RO60: variants seen among roughly 807,000 people sequenced by gnomAD.
The protein encoded by RO60 is Ro60, Y RNA binding protein.
Under a neutral mutation model 55.3 loss-of-function variants are expected in RO60, and 20 were observed. That is an observed-to-expected ratio of 0.36 (90% CI 0.25 to 0.53). The LOEUF (loss-of-function observed/expected upper bound fraction) is 0.53. Ranked by LOEUF, RO60 falls within the 20% of genes least tolerant of loss-of-function variation. The pLI is 0.92. For missense variants in RO60, 558 were observed against 646.6 expected (o/e 0.86, Z 1.49); for synonymous variants, 213 against 213.6 (o/e 1.00, Z 0.02).
chr1:193,082,443 A>AAT, intron 7 of RO60, 119 bp from the exon 8 acceptor site: 1 of 1,378,272 alleles, frequency 7.3e-7, no homozygotes, highest in Non-Finnish European at 1.0e-6. Flanking sequence ...CAAAACCGAA[A>AAT]ATATATATGC....
chr1:193,072,934 A>G (rs879855571), intron 2 of RO60, among the ~76,000 whole-genome samples: 5 of 152,250 alleles, frequency 3.3e-5, no homozygotes, highest in Non-Finnish European at 7.3e-5. Context: ...AGTAATAGCA[A>G]TATCACATTG....
At chr1:193,061,173 C>T (rs1672651155) in intron 1 of RO60, among the ~76,000 whole-genome samples, 1 of 152,160 alleles carries the variant, frequency 6.6e-6, no homozygotes, top group Non-Finnish European at 1.5e-5. Flanking sequence ...CTACTAGTTC[C>T]ATACCACGTG....
rs1674787464 is a variant in RO60 at position 193,089,911 on chromosome 1, T to C, written c.*5180T>C. 1 of 151,668 alleles carries C rather than the reference T, an allele frequency of 6.6e-6. No homozygotes were observed. The highest frequency in any genetic ancestry group is 2.4e-5 in the African/African-American group (1 of 41,220). 9.4% of individuals were successfully genotyped at this position (151,668 alleles called of 1,614,324 possible). On this transcript the variant is annotated 3_prime_UTR_variant, in exon 9 of 9. Transcript: ENST00000400968. ...ACCTCCATTTCCCAGGTTCAAGCAA[T>C]TCTCCTGCCTCAGCCTCCCAAGTAG...
Position 193,068,893 on chromosome 1 carries a change from T to A in RO60, c.-21-141T>A, listed in dbSNP as rs1673292990. 28 of 605,928 alleles carry A rather than the reference T, an allele frequency of 4.6e-5. No individual in the cohort carries two copies. In the South Asian group the frequency reaches 7.2e-4, roughly 16 times the overall value. 37.5% of individuals were successfully genotyped at this position (605,928 alleles called of 1,614,324 possible). A position where few individuals can be genotyped will look rare whatever the true frequency, so the allele number is the denominator to read the frequency against. On this transcript the variant is annotated intron_variant, in intron 1 of 8. Transcript: ENST00000400968. ...CTTCAGGACATTTATATTGATTTTG[T>A]ACTAAGGGAAAAACTATGGAACTTA...
intron 1 of RO60, among the ~76,000 whole-genome samples, chr1:193,061,294 C>A (rs1053135537): frequency 6.6e-6 from 1 of 152,210 alleles, no homozygotes; most frequent in Admixed American, 6.5e-5. Flanking sequence ...ATACCTGTAT[C>A]ATGGGTAAAC....
Position 193,089,160 on chromosome 1 carries a change from G to A in RO60, c.*4429G>A, listed in dbSNP as rs1337036158. 1 of 152,154 alleles carries A rather than the reference G, an allele frequency of 6.6e-6. No homozygotes were observed. Among genetic ancestry groups the A allele is most frequent in the Non-Finnish European group, 1.5e-5 (1 of 68,012 alleles). 9.4% of individuals were successfully genotyped at this position (152,154 alleles called of 1,614,324 possible). The stretch of plus-strand genomic sequence containing the variant: ...TTTGCAGAAATTCTGTGGCCTTTAA[G>A]ATCAGTTATTCAGCCTTTGTAATTA... On this transcript the variant is annotated 3_prime_UTR_variant, in exon 9 of 9. Coordinates refer to ENST00000400968, the MANE Select transcript of RO60 (RefSeq NM_001173524.2).
intron 2 of RO60, among the ~76,000 whole-genome samples, chr1:193,071,150 C>T (rs912410746): frequency 1.3e-5 from 2 of 152,174 alleles, no homozygotes; most frequent in Non-Finnish European, 1.5e-5. Flanking sequence ...TAGTAGGATT[C>T]GTGCTCTTAT....
chr1:193,072,946 A>T (rs980105130), intron 2 of RO60, among the ~76,000 whole-genome samples: 1 of 152,204 alleles, frequency 6.6e-6, no homozygotes, highest in African/African-American at 2.4e-5. Context: ...ATCACATTGG[A>T]CAGAGAATCC....
chr1:193,064,940 T>C (rs1673011693), intron 1 of RO60, among the ~76,000 whole-genome samples: 1 of 152,244 alleles, frequency 6.6e-6, no homozygotes, highest in Non-Finnish European at 1.5e-5. Flanking sequence ...AACAGAAATT[T>C]TGTTCTTAGA....
rs1450180799 is a variant in RO60 at position 193,086,332 on chromosome 1, T to C, written c.*1601T>C. 1 of 152,236 alleles carries C rather than the reference T, an allele frequency of 6.6e-6. No individual in the cohort carries two copies. Among genetic ancestry groups the C allele is most frequent in the Non-Finnish European group, 1.5e-5 (1 of 68,072 alleles). 9.4% of individuals were successfully genotyped at this position (152,236 alleles called of 1,614,324 possible). Reference sequence around the variant, plus strand: ...GCTGGTTTTGATATGTACCCATTCCTTCAAGGCAACTGGTATCAGTTTTTA... The same window carrying C: ...GCTGGTTTTGATATGTACCCATTCCCTCAAGGCAACTGGTATCAGTTTTTA... On this transcript the variant is annotated 3_prime_UTR_variant, in exon 9 of 9. Transcript: ENST00000400968.
chr1:193,076,093 G>C, intron 3 of RO60, 53 bp downstream of exon 3: 2 of 1,201,414 alleles, frequency 1.7e-6, no homozygotes, highest in Non-Finnish European at 2.3e-6. Flanking sequence ...ATTTAGTGTA[G>C]GTGCTAAAAG....
At chr1:193,082,521 G>T in intron 7 of RO60, 41 bp from the exon 8 acceptor site, 4 of 1,602,678 alleles carry the variant, frequency 2.5e-6, no homozygotes, top group Admixed American at 1.7e-5. Flanking sequence ...TATTTTTAAG[G>T]ATTTATTTAC....
At chr1:193,068,150 T>C (rs1490809041) in intron 1 of RO60, among the ~76,000 whole-genome samples, 1 of 152,204 alleles carries the variant, frequency 6.6e-6, no homozygotes, top group Non-Finnish European at 1.5e-5. Context: ...TGGCCAGTCA[T>C]GACACATGCC....
chr1:193,069,478 G>C lies in RO60; in HGVS notation c.424G>C (p.Gly142Arg). 1 of 1,614,206 alleles carries C rather than the reference G, an allele frequency of 6.2e-7. No homozygotes were observed. Among genetic ancestry groups the C allele is most frequent in the Non-Finnish European group, 8.5e-7 (1 of 1,180,048 alleles). ...AGATCTGAAGGAAAGCATGAAATGT[G>C]GCATGTGGGGTCGTGCCCTCCGGAA... Reference protein sequence around the residue: ...KKDLKESMKCGMWGRALRKAI... With the variant: ...KKDLKESMKCRMWGRALRKAI... The change falls in exon 2 of 9, where the codon GGC (glycine) becomes CGC (arginine). Residue 142 changes from glycine (G) to arginine (R), a missense_variant. Transcript: ENST00000400968.
At chr1:193,075,100 C>G (rs992496070) in intron 2 of RO60, among the ~76,000 whole-genome samples, 1 of 152,080 alleles carries the variant, frequency 6.6e-6, no homozygotes, top group Non-Finnish European at 1.5e-5. Context: ...GCTTGTCCCT[C>G]ATAGACATTT....
At chr1:193,070,104 T>C (rs1331033541) in intron 2 of RO60, among the ~76,000 whole-genome samples, 1 of 141,730 alleles carries the variant, frequency 7.1e-6, no homozygotes, top group East Asian at 2.0e-4. Flanking sequence ...AGATTATGTA[T>C]AGAAAACTAC....
intron 2 of RO60, chr1:193,070,605 G>A: frequency 2.2e-6 from 1 of 446,838 alleles, no homozygotes; most frequent in Admixed American, 2.4e-5. Flanking sequence ...TTTCAGTTCT[G>A]TGGACTTAAG....
rs958101005 is a variant in RO60 at position 193,071,306 on chromosome 1, ATGT to A, written c.580+1676_580+1678del. Among the ~76,000 whole-genome samples, 26 of 152,306 alleles carry A rather than the reference ATGT, an allele frequency of 1.7e-4. No individual in the cohort carries two copies. In the East Asian group the frequency reaches 2.1e-3, roughly 12 times the overall value. ...GTTGAGGGCCCTTGCTGTATATCAGATGTTGTAATTTACTCCAGATTTTTCCTA... is the reference window on the plus strand; with the variant it reads ...GTTGAGGGCCCTTGCTGTATATCAGATGTAATTTACTCCAGATTTTTCCTA... On this transcript the variant is annotated intron_variant, in intron 2 of 8. Coordinates refer to ENST00000400968, the MANE Select transcript of RO60 (RefSeq NM_001173524.2).
chr1:193,076,741 C>T (rs55884707), intron 4 of RO60, 94 bp downstream of exon 4: 191 of 1,392,650 alleles, frequency 1.4e-4, no homozygotes, highest in Admixed American at 2.1e-4. Context: ...TAAGGTATTT[C>T]GAGATGTTCA....
Sources: gnomAD v4.1 joint callset for allele counts (sites outside exome capture counted in the v4.1 genomes callset) on GRCh38, gnomAD v4.1.1 for gene constraint, MANE v1.5 for transcripts, NCBI Gene and HGNC (gene_info 2026-07-23, HGNC 2026-07-21) for gene names.